Variants in MYO16 observed in about 807,000 individuals in gnomAD.
MYO16 encodes the protein unconventional myosin-XVI.
A neutral mutation model predicts 205.3 loss-of-function variants in MYO16; 94 were observed. That is an observed-to-expected ratio of 0.46 (90% CI 0.39 to 0.54). MYO16 has a LOEUF of 0.54. MYO16 is among the 20% of genes least tolerant of loss of function. The pLI, the probability that MYO16 is intolerant of heterozygous loss-of-function variation, is 0.00. For synonymous variants in MYO16, 988 were observed against 954.0 expected (o/e 1.04, Z -0.66); for missense variants, 2,315 against 2,387.5 (o/e 0.97, Z 0.63).
intron 2 of MYO16, among the ~76,000 whole-genome samples, chr13:108,686,823 G>C (rs1197638467): frequency 6.6e-6 from 1 of 152,234 alleles, no homozygotes; most frequent in Non-Finnish European, 1.5e-5. Flanking sequence ...GCAGCAGTGG[G>C]AAGAGGGGTG....
intron 1 of MYO16, among the ~76,000 whole-genome samples, chr13:108,597,552 C>A (rs182303609): frequency 2.0e-5 from 3 of 152,254 alleles, no homozygotes; most frequent in Admixed American, 2.0e-4. Flanking sequence ...TCCTGTCAGT[C>A]ACCTTGGTAA....
In MYO16 at chr13:108,870,911, T is replaced by TA. The variant is rs200764000; in HGVS notation, c.1425+4670dup. 4.2e-3 allele frequency among the ~76,000 whole-genome samples: 647 copies of TA among 152,264 alleles called. 8 individuals are homozygous for TA. The highest frequency in any genetic ancestry group is 0.022 in the Admixed American group (330 of 15,298). On this transcript the variant is annotated intron_variant, in intron 12 of 34. Coordinates refer to ENST00000457511, the MANE Select transcript of MYO16 (RefSeq NM_001198950.3). ...GCTTTACTGAATTCTACATGTTTGC[T>TA]ATTTTATAAATTCATTATCAATTAG...
the MYO16 span, among the ~76,000 whole-genome samples, chr13:108,509,065 G>T: frequency 6.6e-6 from 1 of 152,206 alleles, no homozygotes; most frequent in Admixed American, 6.5e-5. Context: ...TTGCTTTAAA[G>T]TAAAATGTTT....
At chr13:108,733,412 G>C (rs574996380) in intron 4 of MYO16, among the ~76,000 whole-genome samples, 1 of 152,148 alleles carries the variant, frequency 6.6e-6, no homozygotes, top group Non-Finnish European at 1.5e-5. Context: ...ATTCAAGAAC[G>C]AGGCAAATCT....
intron 32 of MYO16, among the ~76,000 whole-genome samples, chr13:109,161,550 G>T (rs1878385630): frequency 6.6e-6 from 1 of 152,150 alleles, no homozygotes; most frequent in Non-Finnish European, 1.5e-5. Flanking sequence ...GCAGGGAATT[G>T]GCACCTAATA....
chr13:108,958,522 C>T (rs1883467813), intron 17 of MYO16, among the ~76,000 whole-genome samples: 4 of 152,146 alleles, frequency 2.6e-5, no homozygotes, highest in Admixed American at 1.3e-4. Context: ...GCCGTAGAAA[C>T]ATCTATGATG....
chr13:108,658,989 C>T (rs962574868), intron 1 of MYO16, among the ~76,000 whole-genome samples: 5 of 151,426 alleles, frequency 3.3e-5, no homozygotes, highest in Non-Finnish European at 7.4e-5. Flanking sequence ...GTACCATGGC[C>T]ACAGGAAGAT....
the MYO16 span, among the ~76,000 whole-genome samples, chr13:108,569,921 T>A: frequency 8.5e-5 from 13 of 152,230 alleles, no homozygotes; most frequent in Non-Finnish European, 1.9e-4. Flanking sequence ...TTGATTTTCA[T>A]AAATTAATTG....
In MYO16 at chr13:108,862,958, T is replaced by C. The variant is rs145911817; in HGVS notation, c.1360-3219T>C. Among the ~76,000 whole-genome samples, 32 of 152,304 alleles carry C rather than the reference T, an allele frequency of 2.1e-4. 1 individual carries two copies. The East Asian group carries it at 6.0e-3, about 28-fold the overall frequency. ...CTTCATATTTTGAGGACATAATAAATGTTTGCTTGTTTGTTTTATGGAAAA... is the reference window on the plus strand; with the variant it reads ...CTTCATATTTTGAGGACATAATAAACGTTTGCTTGTTTGTTTTATGGAAAA... On this transcript the variant is annotated intron_variant, in intron 11 of 34. Transcript: ENST00000457511.
intron 2 of MYO16, among the ~76,000 whole-genome samples, chr13:108,703,083 T>C (rs2139524081): frequency 6.6e-6 from 1 of 152,210 alleles, no homozygotes; most frequent in South Asian, 2.1e-4. Context: ...TCCTACTTTA[T>C]CAGTAATTGC....
At chr13:108,888,623 T>C (rs1474666406) in intron 14 of MYO16, 146 bp downstream of exon 14, 1 of 479,766 alleles carries the variant, frequency 2.1e-6, no homozygotes, top group African/African-American at 2.0e-5. Flanking sequence ...GAGCTTGGGT[T>C]CAAATAAATA....
intron 20 of MYO16, among the ~76,000 whole-genome samples, chr13:108,983,817 G>C (rs769295285): frequency 1.3e-5 from 2 of 152,148 alleles, no homozygotes; most frequent in Non-Finnish European, 2.9e-5. Flanking sequence ...AAATTGTGAG[G>C]AAGTGCCCAC....
At chr13:108,934,439 G>T (rs1882390306) in intron 16 of MYO16, among the ~76,000 whole-genome samples, 2 of 152,000 alleles carry the variant, frequency 1.3e-5, no homozygotes, top group Admixed American at 1.3e-4. Context: ...TTTCACAGGG[G>T]TTATTTGTTT....
chr13:109,041,537 C>A (rs277828), intron 23 of MYO16, among the ~76,000 whole-genome samples: 39,087 of 152,036 alleles, frequency 0.26, 5,559 homozygotes, highest in African/African-American at 0.36. Context: ...TAGAACCACA[C>A]AAAGGGACTC....
At chr13:108,973,896 A>T (rs1884150759) in intron 20 of MYO16, among the ~76,000 whole-genome samples, 1 of 152,144 alleles carries the variant, frequency 6.6e-6, no homozygotes, top group East Asian at 1.9e-4. Flanking sequence ...AAAATATTCC[A>T]TATAGAGAAA....
intron 16 of MYO16, among the ~76,000 whole-genome samples, chr13:108,938,311 T>C (rs1326196926): frequency 1.3e-5 from 2 of 152,206 alleles, no homozygotes; most frequent in Non-Finnish European, 2.9e-5. Flanking sequence ...GCTTATTGTT[T>C]GCTGGCTGAA....
chr13:108,853,452 G>A (rs150216132), intron 10 of MYO16, among the ~76,000 whole-genome samples: 2,232 of 152,144 alleles, frequency 0.015, 27 homozygotes, highest in Non-Finnish European at 0.023. Context: ...TATATGCTTG[G>A]TGTAGGTTAA....
At position 109,140,146 on chromosome 13, in the gene MYO16, C is replaced by G; in HGVS notation, c.4052-118C>G. On this transcript the variant is annotated intron_variant, in intron 31 of 34. Transcript: ENST00000457511. This position sits in a 1 kb window ranked among gnomAD's most constrained non-coding sequence, Gnocchi z 8.0. ...TAGTGGGTGGAGGAACATGCAGGCC[C>G]GGTCCCTTGGGATTCTCGGGGCACG... 6.7e-7 allele frequency: 1 copy of G among 1,482,166 alleles called. No homozygotes were observed. The highest frequency in any genetic ancestry group is 8.9e-7 in the Non-Finnish European group (1 of 1,126,166). 91.8% of individuals were successfully genotyped at this position (1,482,166 alleles called of 1,614,324 possible).
chr13:109,035,134 CAT>C (rs1886675301), intron 23 of MYO16, among the ~76,000 whole-genome samples: 1 of 150,858 alleles, frequency 6.6e-6, no homozygotes, highest in Non-Finnish European at 1.5e-5. Flanking sequence ...CCATATATGG[CAT>C]ATATAGCGTA....
Sources: gnomAD v4.1 joint callset for allele counts (sites outside exome capture counted in the v4.1 genomes callset) on GRCh38, gnomAD v4.1.1 for gene constraint, Gnocchi (gnomAD v3.1) non-coding constraint, MANE v1.5 for transcripts, NCBI Gene and HGNC (gene_info 2026-07-23, HGNC 2026-07-21) for gene names.